Variants in ULK4 observed in about 807,000 individuals in gnomAD.
The protein encoded by ULK4 is unc-51 like kinase 4.
Under a neutral mutation model 160.6 loss-of-function variants are expected in ULK4, and 133 were observed. That is an observed-to-expected ratio of 0.83 (90% CI 0.72 to 0.96). The LOEUF (loss-of-function observed/expected upper bound fraction) is 0.96. Among genes scored for constraint, ULK4 ranks in the 40% least tolerant of loss-of-function variants. The pLI is 0.00. For synonymous variants in ULK4, 534 were observed against 539.8 expected, an observed-to-expected ratio of 0.99 and a Z score of 0.15; for missense variants, 1,580 against 1,499.5, an observed-to-expected ratio of 1.05 and a Z score of -0.89.
At chr3:41,661,460 C>CAT (rs10684451) in intron 30 of ULK4, among the ~76,000 whole-genome samples, 18,500 of 151,056 alleles carry the variant, frequency 0.12, 3,603 homozygotes, top group African/African-American at 0.41. Flanking sequence ...TACATACACA[C>CAT]ATATATATAC....
intron 19 of ULK4, among the ~76,000 whole-genome samples, chr3:41,806,362 G>T (rs898239383): frequency 2.8e-4 from 42 of 152,186 alleles, no homozygotes; most frequent in Admixed American, 1.4e-3. Flanking sequence ...GAGTCTATTT[G>T]ATTCTTCTCT....
At chr3:41,833,431 G>T (rs1386167119) in intron 18 of ULK4, among the ~76,000 whole-genome samples, 1 of 151,996 alleles carries the variant, frequency 6.6e-6, no homozygotes, top group African/African-American at 2.4e-5. Context: ...GAGTAGCTGG[G>T]ACTACCAGTG....
chr3:41,919,512 G>C (rs910641186), intron 6 of ULK4, among the ~76,000 whole-genome samples: 2 of 152,172 alleles, frequency 1.3e-5, no homozygotes, highest in Non-Finnish European at 2.9e-5. Flanking sequence ...TGAGACACAG[G>C]AATGGCTTGA....
chr3:41,384,515 T>C (rs141512118), intron 35 of ULK4, among the ~76,000 whole-genome samples: 1 of 151,998 alleles, frequency 6.6e-6, no homozygotes, highest in Non-Finnish European at 1.5e-5. Context: ...TATAGGGAAA[T>C]CCTGTTTCTA....
chr3:41,829,738 C>T (rs1397330043), intron 18 of ULK4, among the ~76,000 whole-genome samples: 1 of 151,650 alleles, frequency 6.6e-6, no homozygotes, highest in African/African-American at 2.4e-5. Flanking sequence ...GTCAGTGTGG[C>T]GATTCCTCAG....
At chr3:41,746,272 C>CCAA (rs2038416207) in intron 22 of ULK4, among the ~76,000 whole-genome samples, 1 of 45,728 alleles carries the variant, frequency 2.2e-5, no homozygotes, top group African/African-American at 1.1e-4. Context: ...CTGGAACCCA[C>CCAA]AAAAAAAAAA....
intron 29 of ULK4, among the ~76,000 whole-genome samples, chr3:41,679,629 C>T (rs1356525965): frequency 1.3e-5 from 2 of 152,192 alleles, no homozygotes; most frequent in African/African-American, 4.8e-5. Context: ...TTTATTCCAG[C>T]TCAAATGAGT....
At chr3:41,691,210 AAC>A (rs1439549317) in intron 27 of ULK4, among the ~76,000 whole-genome samples, 2 of 151,880 alleles carry the variant, frequency 1.3e-5, no homozygotes, top group African/African-American at 2.4e-5. Flanking sequence ...AACTCCAGTA[AAC>A]ACAGTGCACA....
intron 32 of ULK4, among the ~76,000 whole-genome samples, chr3:41,495,423 T>C (rs1049788652): frequency 1.3e-5 from 2 of 151,730 alleles, no homozygotes; most frequent in African/African-American, 2.4e-5. Context: ...ACACAAAAAT[T>C]AATTCAAGAT....
chr3:41,553,508 A>G (rs2087159596), intron 32 of ULK4, among the ~76,000 whole-genome samples: 2 of 152,254 alleles, frequency 1.3e-5, no homozygotes, highest in Middle Eastern at 3.4e-3. Context: ...ATCACTAATG[A>G]TTAGGAAAAT....
Position 41,560,807 on chromosome 3 carries a change from A to T in ULK4, c.3226+5218T>A, listed in dbSNP as rs1050789364. On this transcript the variant is annotated intron_variant, in intron 32 of 36. Transcript: ENST00000301831. ...CTAAATATACAATCATGTCATCCGCAAACAGGGACAATTTGACTTCCTCCT... is the reference window on the plus strand; with the variant it reads ...CTAAATATACAATCATGTCATCCGCTAACAGGGACAATTTGACTTCCTCCT... 3.9e-5 allele frequency among the ~76,000 whole-genome samples: 6 copies of T among 152,358 alleles called. No individual in the cohort carries two copies. The South Asian group carries it at 1.0e-3, about 26-fold the overall frequency.
chr3:41,568,847 C>T (rs1397359404), intron 31 of ULK4, among the ~76,000 whole-genome samples: 1 of 152,160 alleles, frequency 6.6e-6, no homozygotes, highest in Admixed American at 6.5e-5. Flanking sequence ...CTCAGTCCCA[C>T]AAGGCTACAC....
rs1254788027 is a variant in ULK4 at position 41,645,955 on chromosome 3, C to T, written c.3071+17652G>A. ...CCTTTACCATTATGTAATGGCCTTCCTGGTCTCTTTTGATCTTTGTTGGTT... is the reference window on the plus strand; with the variant it reads ...CCTTTACCATTATGTAATGGCCTTCTTGGTCTCTTTTGATCTTTGTTGGTT... On this transcript the variant is annotated intron_variant, in intron 30 of 36. Coordinates refer to ENST00000301831, the MANE Select transcript of ULK4 (RefSeq NM_017886.4). Among the ~76,000 whole-genome samples the T allele has an allele frequency of 3.3e-5, 5 of 152,196 alleles. No individual in the cohort carries two copies. The South Asian group carries it at 6.2e-4, about 19-fold the overall frequency.
chr3:41,615,835 T>C (rs576101350), intron 30 of ULK4, 118 bp from the exon 31 acceptor site: 15 of 890,146 alleles, frequency 1.7e-5, no homozygotes, highest in Non-Finnish European at 2.2e-5. Context: ...TGATAAGAAA[T>C]AGTATGATTA....
chr3:41,724,302 T>C (rs2037571956), intron 22 of ULK4, among the ~76,000 whole-genome samples: 1 of 152,222 alleles, frequency 6.6e-6, no homozygotes, highest in African/African-American at 2.4e-5. Flanking sequence ...CTATTGGATA[T>C]ATCTGTATCC....
intron 32 of ULK4, among the ~76,000 whole-genome samples, chr3:41,543,780 T>A (rs1395770450): frequency 6.6e-6 from 1 of 152,182 alleles, no homozygotes; most frequent in Non-Finnish European, 1.5e-5. Flanking sequence ...AGCTGACTCT[T>A]TTTTCTGCCA....
chr3:41,897,029 G>C (rs1251141850), intron 14 of ULK4, 26 bp from the exon 15 acceptor site: 2 of 1,569,314 alleles, frequency 1.3e-6, no homozygotes, highest in Admixed American at 1.8e-5. Flanking sequence ...AATAATAAAA[G>C]TACATATGAT....
intron 20 of ULK4, among the ~76,000 whole-genome samples, chr3:41,794,552 T>C (rs998223168): frequency 6.7e-6 from 1 of 149,352 alleles, no homozygotes; most frequent in African/African-American, 2.5e-5. Context: ...TCTCAACTAC[T>C]TAGGAGGCTG....
intron 29 of ULK4, among the ~76,000 whole-genome samples, chr3:41,671,391 A>G (rs1263679953): frequency 1.3e-5 from 2 of 152,260 alleles, no homozygotes; most frequent in Admixed American, 6.5e-5. Context: ...ATAAAAACAG[A>G]CACACAGATC....
Sources: allele counts gnomAD v4.1 joint callset (sites outside exome capture counted in the v4.1 genomes callset), GRCh38; gene constraint gnomAD v4.1.1; transcripts MANE v1.5; gene names NCBI Gene and HGNC (gene_info 2026-07-23, HGNC 2026-07-21).